FOXN3: variants seen among roughly 807,000 people sequenced by gnomAD.
The protein encoded by FOXN3 is forkhead box protein N3.
FOXN3 carries 7 observed loss-of-function variants against 38.4 expected under a neutral mutation model. That is an observed-to-expected ratio of 0.18 (90% CI 0.10 to 0.34). The LOEUF is 0.34. FOXN3 is among the 10% of genes least tolerant of loss of function. The pLI, the probability that FOXN3 is intolerant of heterozygous loss-of-function variation, is 1.00. For synonymous variants in FOXN3, 230 were observed against 242.2 expected (o/e 0.95, Z 0.47); for missense variants, 456 against 613.4 (o/e 0.74, Z 2.71).
intron 4 of FOXN3, among the ~76,000 whole-genome samples, chr14:89,249,316 C>T (rs1885385782): frequency 6.6e-6 from 1 of 152,190 alleles, no homozygotes; most frequent in Non-Finnish European, 1.5e-5. Flanking sequence ...GCCCTTTCCC[C>T]TTTCCCCTGA....
intron 1 of FOXN3, among the ~76,000 whole-genome samples, chr14:89,425,062 CT>C (rs3994032): frequency 0.059 from 6,152 of 103,988 alleles, 70 homozygotes; most frequent in East Asian, 0.089. Context: ...GTTTTCTTTT[CT>C]TTTTTTTTTT....
chr14:89,514,383 G>A (rs1049858311), intron 1 of FOXN3, among the ~76,000 whole-genome samples: 2 of 152,170 alleles, frequency 1.3e-5, no homozygotes, highest in African/African-American at 4.8e-5. Flanking sequence ...GCAAACCGAT[G>A]GCCATCCACA....
chr14:89,596,767 T>A (rs1896063023), intron 1 of FOXN3, among the ~76,000 whole-genome samples: 1 of 152,216 alleles, frequency 6.6e-6, no homozygotes, highest in South Asian at 2.1e-4. Flanking sequence ...ATTTTAAAAT[T>A]TTTGTCCATT....
intron 1 of FOXN3, among the ~76,000 whole-genome samples, chr14:89,540,247 T>G (rs1894767875): frequency 6.6e-6 from 1 of 152,142 alleles, no homozygotes; most frequent in Non-Finnish European, 1.5e-5. Flanking sequence ...CAAGTGACTG[T>G]GGGGTATGTG....
intron 3 of FOXN3, among the ~76,000 whole-genome samples, chr14:89,332,304 T>C (rs1000135663): frequency 1.3e-5 from 2 of 152,194 alleles, no homozygotes; most frequent in African/African-American, 2.4e-5. Flanking sequence ...AGGAAAATTA[T>C]ATACATATAT....
chr14:89,553,960 A>C (rs1004979411), intron 1 of FOXN3, among the ~76,000 whole-genome samples: 1 of 152,210 alleles, frequency 6.6e-6, no homozygotes, highest in Non-Finnish European at 1.5e-5. Flanking sequence ...AAAGAAAAAA[A>C]AGATACTAAT....
chr14:89,317,503 T>C (rs1329164487), intron 3 of FOXN3, among the ~76,000 whole-genome samples: 1 of 152,182 alleles, frequency 6.6e-6, no homozygotes, highest in African/African-American at 2.4e-5. Flanking sequence ...GCCTGTTTCC[T>C]GTTAAGCAGC....
At chr14:89,387,192 G>T (rs1371563988) in intron 2 of FOXN3, among the ~76,000 whole-genome samples, 1 of 152,210 alleles carries the variant, frequency 6.6e-6, no homozygotes, top group African/African-American at 2.4e-5. Context: ...GAAGGCGAAG[G>T]TTGCAGTAAG....
At chr14:89,276,722 G>A (rs929043849) in intron 4 of FOXN3, among the ~76,000 whole-genome samples, 1 of 152,178 alleles carries the variant, frequency 6.6e-6, no homozygotes, top group African/African-American at 2.4e-5. Flanking sequence ...GGTGGGGTGG[G>A]GAGGGTAGGC....
chr14:89,451,268 CATCA>C (rs1285832899), intron 1 of FOXN3, among the ~76,000 whole-genome samples: 3 of 152,182 alleles, frequency 2.0e-5, no homozygotes, highest in Non-Finnish European at 4.4e-5. Context: ...GGCCCCCTAC[CATCA>C]ATCCAGCCTT....
At chr14:89,196,597 A>G (rs1262596309) in intron 4 of FOXN3, among the ~76,000 whole-genome samples, 1 of 152,032 alleles carries the variant, frequency 6.6e-6, no homozygotes, top group Non-Finnish European at 1.5e-5. Context: ...AGGAACACCT[A>G]CCAAATGGGG....
chr14:89,472,075 G>A (rs1162239118), intron 1 of FOXN3, among the ~76,000 whole-genome samples: 1 of 152,052 alleles, frequency 6.6e-6, no homozygotes, highest in Non-Finnish European at 1.5e-5. Context: ...GGCCAACATG[G>A]CAAAGCCCTG....
chr14:89,617,648 T>C (rs1233525921), intron 1 of FOXN3, among the ~76,000 whole-genome samples: 2 of 152,230 alleles, frequency 1.3e-5, no homozygotes, highest in Non-Finnish European at 2.9e-5. Flanking sequence ...TCATTGAGAA[T>C]GTATTGTAAA....
intron 3 of FOXN3, among the ~76,000 whole-genome samples, chr14:89,296,231 T>A (rs781361426): frequency 6.6e-6 from 1 of 152,214 alleles, no homozygotes; most frequent in African/African-American, 2.4e-5. Context: ...TTATGATACA[T>A]CTCATGAACA....
At chr14:89,615,078 A>G (rs1466288888) in intron 1 of FOXN3, among the ~76,000 whole-genome samples, 1 of 148,810 alleles carries the variant, frequency 6.7e-6, no homozygotes, top group East Asian at 2.0e-4. Context: ...TCTCATGTGT[A>G]CTATAAACTG....
At chr14:89,535,344 C>T (rs1894664609) in intron 1 of FOXN3, among the ~76,000 whole-genome samples, 1 of 152,130 alleles carries the variant, frequency 6.6e-6, no homozygotes, top group Non-Finnish European at 1.5e-5. Context: ...CCTCCCCAGC[C>T]ACAAAATGTG....
chr14:89,273,959 A>AT (rs1397312638), intron 4 of FOXN3, among the ~76,000 whole-genome samples: 4 of 152,132 alleles, frequency 2.6e-5, no homozygotes, highest in East Asian at 1.9e-4. Context: ...GCCATTGCTA[A>AT]TTTTTTTTAA....
chr14:89,524,007 C>T (rs560994947), intron 1 of FOXN3, among the ~76,000 whole-genome samples: 51 of 151,442 alleles, frequency 3.4e-4, no homozygotes, highest in African/African-American at 1.2e-3. Flanking sequence ...GTGATCCACC[C>T]ACCTCGGCCT....
At chr14:89,509,634 A>T (rs1280471945) in intron 1 of FOXN3, among the ~76,000 whole-genome samples, 1 of 152,136 alleles carries the variant, frequency 6.6e-6, no homozygotes, top group Non-Finnish European at 1.5e-5. Context: ...CACGCCCAGC[A>T]TTGTCCATCT....
Sources: gnomAD v4.1 joint callset for allele counts (sites outside exome capture counted in the v4.1 genomes callset) on GRCh38, gnomAD v4.1.1 for gene constraint, MANE v1.5 for transcripts, NCBI Gene and HGNC (gene_info 2026-07-23, HGNC 2026-07-21) for gene names.